The following SIPA1L2 variants were observed in gnomAD, a reference collection of about 807,000 sequenced individuals.
SIPA1L2 encodes signal induced proliferation associated 1 like 2.
Under a neutral mutation model 163.9 loss-of-function variants are expected in SIPA1L2, and 56 were observed. That is an observed-to-expected ratio of 0.34 (90% CI 0.28 to 0.43). The LOEUF is 0.43. Ranked by LOEUF, SIPA1L2 falls within the 20% of genes least tolerant of loss-of-function variation. The pLI is 1.00. For synonymous variants in SIPA1L2, 877 were observed against 865.7 expected (o/e 1.01, Z -0.23); for missense variants, 1,974 against 2,193.5 (o/e 0.90, Z 2.00).
At position 232,398,079 on chromosome 1, in the gene SIPA1L2, C is replaced by T. The variant is rs1020869276; in HGVS notation, c.*1048G>A. ...CAAACAATGTGTTACTAGCAGCATC[C>T]AGTCGTTAGAATCTCTCACCCTGCT... On this transcript the variant is annotated 3_prime_UTR_variant, in exon 23 of 23. Transcript: ENST00000674635. The T allele has an allele frequency of 5.2e-5, 8 of 152,570 alleles. No individual in the cohort carries two copies. The highest frequency in any genetic ancestry group is 1.2e-4 in the African/African-American group (5 of 41,424). The allele number at this position is 152,570 out of a possible 1,614,324, so 9.5% of individuals were successfully genotyped here.
intron 3 of SIPA1L2, among the ~76,000 whole-genome samples, chr1:232,495,107 A>G (rs928544534): frequency 1.3e-5 from 2 of 152,260 alleles, no homozygotes; most frequent in African/African-American, 4.8e-5. Context: ...CAGCACCTGA[A>G]TCACTCAGAA....
chr1:232,445,838 A>C (rs772071209), intron 10 of SIPA1L2, 52 bp from the exon 11 acceptor site: 2 of 1,578,624 alleles, frequency 1.3e-6, no homozygotes, highest in Admixed American at 1.7e-5. Context: ...CTGAGCTGTC[A>C]GCATGGCTTA....
intron 1 of SIPA1L2, among the ~76,000 whole-genome samples, chr1:232,608,569 CA>C (rs1662085031): frequency 6.6e-6 from 1 of 152,194 alleles, no homozygotes; most frequent in African/African-American, 2.4e-5. Flanking sequence ...CAAGCTCAGA[CA>C]TTAACATGGT....
chr1:232,577,408 C>T (rs543926618), intron 1 of SIPA1L2, among the ~76,000 whole-genome samples: 2 of 152,272 alleles, frequency 1.3e-5, no homozygotes, highest in African/African-American at 4.8e-5. Flanking sequence ...TGTTTCTTGC[C>T]TGCTAACAAC....
intron 7 of SIPA1L2, among the ~76,000 whole-genome samples, chr1:232,473,311 T>C (rs1187533387): frequency 4.6e-5 from 7 of 152,226 alleles, no homozygotes. Flanking sequence ...CAGTTCATAC[T>C]CTAGTTTATT....
At chr1:232,622,615 G>T (rs75962266) in intron 1 of SIPA1L2, among the ~76,000 whole-genome samples, 1 of 152,116 alleles carries the variant, frequency 6.6e-6, no homozygotes, top group African/African-American at 2.4e-5. Context: ...CATGAAAGGC[G>T]GCCACCTAAG....
chr1:232,421,614 C>T (rs1661579463), intron 18 of SIPA1L2, among the ~76,000 whole-genome samples: 2 of 152,136 alleles, frequency 1.3e-5, no homozygotes, highest in Admixed American at 1.3e-4. Flanking sequence ...TGGATGGATA[C>T]CTTGCCATGC....
intron 1 of SIPA1L2, among the ~76,000 whole-genome samples, chr1:232,575,670 G>C (rs1024052775): frequency 6.6e-6 from 1 of 152,050 alleles, no homozygotes; most frequent in Non-Finnish European, 1.5e-5. Context: ...TTCTACTTCT[G>C]GGCATACAGC....
chr1:232,460,970 G>T lies in SIPA1L2; in HGVS notation c.3012C>A (p.His1004Gln). ...ICKVAVATLT[H>Q]EQMIDLLRTS... Reference sequence around the variant, plus strand: ...TACGGAGCAGGTCGATCATCTGCTCGTGGGTCAGAGTGGCCACGGCTACTT... The same window carrying T: ...TACGGAGCAGGTCGATCATCTGCTCTTGGGTCAGAGTGGCCACGGCTACTT... Residue 1004 changes from histidine (H) to glutamine (Q), a missense_variant, in exon 10 of 23, where the codon CAC becomes CAA. By Grantham distance (24) the His-to-Gln change is conservative (BLOSUM62 0). This residue lies in a region of SIPA1L2 where 1,079 missense variants were observed against 1,150.7 expected (regional missense o/e 0.94). Transcript: ENST00000674635. 6.2e-7 allele frequency: 1 copy of T among 1,614,260 alleles called. No individual in the cohort carries two copies. Among genetic ancestry groups the T allele is most frequent in the Non-Finnish European group, 8.5e-7 (1 of 1,180,052 alleles).
At chr1:232,597,403 C>G (rs374155381) in intron 1 of SIPA1L2, among the ~76,000 whole-genome samples, 1 of 151,722 alleles carries the variant, frequency 6.6e-6, no homozygotes. Flanking sequence ...TTTGGCCGGG[C>G]GCGGTGGCTC....
intron 10 of SIPA1L2, among the ~76,000 whole-genome samples, chr1:232,449,314 T>G (rs369886779): frequency 1.7e-4 from 26 of 151,364 alleles, no homozygotes; most frequent in Non-Finnish European, 2.7e-4. Flanking sequence ...GTCAGGAGAT[T>G]GAGACCATCC....
chr1:232,477,924 G>A (rs1488765721), intron 7 of SIPA1L2, among the ~76,000 whole-genome samples: 3 of 152,124 alleles, frequency 2.0e-5, no homozygotes, highest in East Asian at 1.9e-4. Context: ...ACTCGATGAC[G>A]GGGGTCAAAA....
chr1:232,416,960 A>C (rs1319498855), intron 18 of SIPA1L2, among the ~76,000 whole-genome samples: 1 of 152,242 alleles, frequency 6.6e-6, no homozygotes, highest in African/African-American at 2.4e-5. Context: ...AAGTTCTAAA[A>C]AGGCTTCAAC....
intron 1 of SIPA1L2, among the ~76,000 whole-genome samples, chr1:232,602,627 C>A (rs1173875284): frequency 6.7e-6 from 1 of 149,448 alleles, no homozygotes; most frequent in Non-Finnish European, 1.5e-5. Context: ...CTGCCTCTGG[C>A]CACCCTCAGA....
intron 10 of SIPA1L2, among the ~76,000 whole-genome samples, chr1:232,457,238 A>C (rs1558191742): frequency 6.6e-6 from 1 of 152,230 alleles, no homozygotes; most frequent in Non-Finnish European, 1.5e-5. Context: ...ACCTGAGGAC[A>C]AGAAAAACTG....
In SIPA1L2 at chr1:232,471,359, T is replaced by A; in HGVS notation, c.2243+12A>T. On this transcript the variant is annotated intron_variant, in intron 8 of 22. Coordinates refer to ENST00000674635, the MANE Select transcript of SIPA1L2 (RefSeq NM_020808.5). The stretch of plus-strand genomic sequence containing the variant: ...ACCTGGGAGAATGATAGATCAGGGA[T>A]GACTGACTCACCTATAACACACATT... 6.2e-7 allele frequency: 1 copy of A among 1,608,010 alleles called. No homozygotes were observed. The highest frequency in any genetic ancestry group is 8.5e-7 in the Non-Finnish European group (1 of 1,177,870).
chr1:232,483,692 G>A, intron 6 of SIPA1L2, 100 bp downstream of exon 6: 1 of 1,328,660 alleles, frequency 7.5e-7, no homozygotes, highest in South Asian at 1.3e-5. Flanking sequence ...CTGCTTCTGG[G>A]GCCGGGAACA....
At chr1:232,618,050 T>C (rs576189162) in intron 1 of SIPA1L2, among the ~76,000 whole-genome samples, 1 of 152,156 alleles carries the variant, frequency 6.6e-6, no homozygotes, top group East Asian at 1.9e-4. Context: ...GGTACAGAGG[T>C]GTCCACTACA....
chr1:232,536,138 G>C (rs1051621489), intron 2 of SIPA1L2, among the ~76,000 whole-genome samples: 1 of 152,224 alleles, frequency 6.6e-6, no homozygotes, highest in South Asian at 2.1e-4. Context: ...CGACAGATCT[G>C]AGAGCGCAGG....
Sources: gnomAD v4.1 joint callset for allele counts (sites outside exome capture counted in the v4.1 genomes callset) on GRCh38, gnomAD v4.1.1 for gene constraint, gnomAD v4.1.1 regional missense constraint, MANE v1.5 for transcripts, NCBI Gene and HGNC (gene_info 2026-07-23, HGNC 2026-07-21) for gene names.